Variants in SVEP1 observed in about 807,000 individuals in gnomAD.
SVEP1 encodes sushi, von Willebrand factor type A, EGF and pentraxin domain-containing protein 1.
SVEP1 carries 164 observed loss-of-function variants against 367.3 expected under a neutral mutation model. The observed-to-expected ratio is 0.45, with a 90% CI of 0.39 to 0.51. The LOEUF (loss-of-function observed/expected upper bound fraction) is 0.51, where lower values mean the gene tolerates loss of function less well. Among genes scored for constraint, SVEP1 ranks in the 20% least tolerant of loss-of-function variants. The pLI, the probability that SVEP1 is intolerant of heterozygous loss-of-function variation, is 0.00. For missense variants in SVEP1, 4,117 were observed against 4,425.3 expected, an observed-to-expected ratio of 0.93 and a Z score of 1.98; for synonymous variants, 1,666 against 1,611.6, an observed-to-expected ratio of 1.03 and a Z score of -0.81.
intron 14 of SVEP1, chr9:110,475,805 G>A (rs1310797117): frequency 6.3e-6 from 1 of 158,660 alleles, no homozygotes; most frequent in African/African-American, 2.4e-5. Context: ...ACATATTTTT[G>A]GTGAGGAATC....
chr9:110,499,369 T>C (rs1016799606), intron 6 of SVEP1, 131 bp from the exon 7 acceptor site: 8 of 760,816 alleles, frequency 1.1e-5, no homozygotes, highest in Middle Eastern at 3.9e-4. Context: ...GATAACTATA[T>C]ATGACATTGA....
At chr9:110,501,093 T>TA (rs1829522056) in intron 6 of SVEP1, among the ~76,000 whole-genome samples, 1 of 147,912 alleles carries the variant, frequency 6.8e-6, no homozygotes, top group Non-Finnish European at 1.5e-5. Flanking sequence ...TATATATTAA[T>TA]ATAATTAATA....
rs977762589 is a variant in SVEP1, at chr9:110,411,729, A to G, written c.5982T>C (p.Thr1994=). ...TVTYTCKEGY[T]LAGLDTIECL... ...ATTCAATGGTGTCAAGACCAGCAAG[A>G]GTATAGCTGTGAGGTTGGGAAGAAA... Residue 1994 remains threonine, a synonymous_variant, in exon 37 of 48, where the codon ACT becomes ACC. Transcript: ENST00000374469. 1.3e-6 allele frequency: 2 copies of G among 1,553,996 alleles called. No individual in the cohort carries two copies. The highest frequency in any genetic ancestry group is 1.7e-6 in the Non-Finnish European group (2 of 1,148,082).
intron 5 of SVEP1, among the ~76,000 whole-genome samples, chr9:110,509,729 T>C (rs1341999496): frequency 6.6e-6 from 1 of 152,210 alleles, no homozygotes; most frequent in Non-Finnish European, 1.5e-5. Context: ...ATACTGTAGT[T>C]ATCAATGTAC....
At chr9:110,527,921 A>G (rs1455207308) in intron 3 of SVEP1, among the ~76,000 whole-genome samples, 1 of 151,586 alleles carries the variant, frequency 6.6e-6, no homozygotes, top group African/African-American at 2.4e-5. Context: ...GCATACCCAC[A>G]GCTTAGCTCC....
At chr9:110,389,032 G>GGGGATAAAGTT (rs1390438673) in intron 41 of SVEP1, among the ~76,000 whole-genome samples, 1 of 152,108 alleles carries the variant, frequency 6.6e-6, no homozygotes, top group East Asian at 1.9e-4. Context: ...AGGGAATACT[G>GGGGATAAAGTT]GGGATAAAGT....
rs1403555700 is a variant in SVEP1 at position 110,512,920 on chromosome 9, G to A, written c.1303+6C>T. ...AATAAACAATGTAAATTGGCAGTTTGCATACCTCTGCAGTAGCTCTCTGAA... is the reference window on the plus strand; with the variant it reads ...AATAAACAATGTAAATTGGCAGTTTACATACCTCTGCAGTAGCTCTCTGAA... On this transcript the variant is annotated splice_donor_region_variant and intron_variant, in intron 5 of 47. Coordinates refer to ENST00000374469, the MANE Select transcript of SVEP1 (RefSeq NM_153366.4). 1.9e-6 allele frequency: 3 copies of A among 1,613,776 alleles called. No homozygotes were observed. The highest frequency in any genetic ancestry group is 3.3e-5 in the Admixed American group (2 of 60,002).
At chr9:110,448,878 T>C (rs1828647408) in intron 24 of SVEP1, among the ~76,000 whole-genome samples, 1 of 152,226 alleles carries the variant, frequency 6.6e-6, no homozygotes, top group Non-Finnish European at 1.5e-5. Flanking sequence ...TTGGCAGAGT[T>C]GCCTTCTTAT....
In SVEP1 at chr9:110,379,292, T is replaced by C. The variant is rs918976255; in HGVS notation, c.10408+55A>G. 7.6e-6 allele frequency: 12 copies of C among 1,578,632 alleles called. No individual in the cohort carries two copies. The African/African-American group carries it at 1.4e-4, about 18-fold the overall frequency. On this transcript the variant is annotated intron_variant, in intron 44 of 47. Transcript: ENST00000374469. ...TTAATTGCTGGACAAATCAGATTTC[T>C]ATACACATTTCCCTGCAGTTTCACT...
At chr9:110,371,684 C>T (rs1338377713) in intron 46 of SVEP1, among the ~76,000 whole-genome samples, 2 of 152,174 alleles carry the variant, frequency 1.3e-5, no homozygotes, top group Non-Finnish European at 2.9e-5. Flanking sequence ...CCTTCCACTC[C>T]AGTGCCCAAG....
At chr9:110,525,589 G>T (rs1292901993) in intron 3 of SVEP1, among the ~76,000 whole-genome samples, 1 of 151,996 alleles carries the variant, frequency 6.6e-6, no homozygotes, top group Non-Finnish European at 1.5e-5. Context: ...GTATGGGAAG[G>T]CAAAGAAATT....
chr9:110,396,899 A>G (rs1426864644), intron 40 of SVEP1, among the ~76,000 whole-genome samples: 1 of 152,170 alleles, frequency 6.6e-6, no homozygotes, highest in East Asian at 1.9e-4. Flanking sequence ...TTCACAGCCA[A>G]ATTCTACCAG....
Position 110,389,560 on chromosome 9 carries a change from TCTC to T in SVEP1, c.9847_9849del (p.Glu3283del). 1 of 1,613,694 alleles carries T rather than the reference TCTC, an allele frequency of 6.2e-7. No homozygotes were observed. Among genetic ancestry groups the T allele is most frequent in the Non-Finnish European group, 8.5e-7 (1 of 1,179,790 alleles). The stretch of plus-strand genomic sequence containing the variant: ...GCCACCCCTCCACTCCACTGTCTGT[TCTC>T]CTGGCAGACACGTTCCCTGTTCCCC... On this transcript the variant is annotated inframe_deletion, in exon 41 of 48. Coordinates refer to ENST00000374469, the MANE Select transcript of SVEP1 (RefSeq NM_153366.4).
At chr9:110,433,093 A>G (rs963287517) in intron 30 of SVEP1, among the ~76,000 whole-genome samples, 15 of 151,644 alleles carry the variant, frequency 9.9e-5, no homozygotes, top group African/African-American at 3.6e-4. Flanking sequence ...TGATGTGCCT[A>G]CTCTTGATGC....
At chr9:110,525,454 T>C (rs982296529) in intron 3 of SVEP1, among the ~76,000 whole-genome samples, 1 of 152,208 alleles carries the variant, frequency 6.6e-6, no homozygotes, top group Admixed American at 6.6e-5. Flanking sequence ...TATATCATGT[T>C]TGTGGATTGG....
intron 28 of SVEP1, 25 bp downstream of exon 28, chr9:110,436,355 G>A (rs1358167994): frequency 6.2e-7 from 1 of 1,613,610 alleles, no homozygotes; most frequent in African/African-American, 1.3e-5. Context: ...TCTCATTACT[G>A]TCATACACTG....
intron 1 of SVEP1, among the ~76,000 whole-genome samples, chr9:110,552,773 T>A (rs1588105668): frequency 6.6e-6 from 1 of 152,296 alleles, no homozygotes; most frequent in East Asian, 1.9e-4. Context: ...AGGCCATGGA[T>A]CAGCATCAGT....
chr9:110,565,404 G>T (rs891656435), intron 1 of SVEP1, among the ~76,000 whole-genome samples: 1 of 152,178 alleles, frequency 6.6e-6, no homozygotes, highest in African/African-American at 2.4e-5. Flanking sequence ...GTGTGAGGTG[G>T]AGTGTTGACC....
intron 3 of SVEP1, among the ~76,000 whole-genome samples, chr9:110,523,783 A>G (rs1829907059): frequency 6.6e-6 from 1 of 152,078 alleles, no homozygotes; most frequent in Non-Finnish European, 1.5e-5. Context: ...CTAAGTTCCC[A>G]CCTGAAGAAG....
Sources: allele counts gnomAD v4.1 joint callset (sites outside exome capture counted in the v4.1 genomes callset), GRCh38; gene constraint gnomAD v4.1.1; transcripts MANE v1.5; gene names NCBI Gene and HGNC (gene_info 2026-07-23, HGNC 2026-07-21).